The following MACROD2 variants were observed in gnomAD, a reference collection of about 807,000 sequenced individuals.
MACROD2 encodes the protein mono-ADP ribosylhydrolase 2.
A neutral mutation model predicts 70.4 loss-of-function variants in MACROD2; 36 were observed. The ratio of observed to expected loss-of-function variants is 0.51; its 90% CI spans 0.39 to 0.68. The LOEUF is 0.68. Among genes scored for constraint, MACROD2 ranks in the 30% least tolerant of loss-of-function variants. The pLI is 0.00. For synonymous variants in MACROD2, 172 were observed against 178.8 expected (o/e 0.96, Z 0.30); for missense variants, 496 against 538.4 (o/e 0.92, Z 0.78).
chr20:14,621,842 A>T (rs1237582568), intron 4 of MACROD2: 1 of 152,182 alleles, frequency 6.6e-6, no homozygotes, highest in African/African-American at 2.4e-5. Context: ...CACCATGTTT[A>T]TACGTGACTA....
rs189362282 is a variant in MACROD2 at position 14,173,167 on chromosome 20, A to G, written c.271+87439A>G. 2.8e-3 allele frequency among the ~76,000 whole-genome samples: 426 copies of G among 152,254 alleles called. 2 individuals carry two copies. Among genetic ancestry groups the G allele is most frequent in the African/African-American group, 9.6e-3 (399 of 41,556 alleles). On this transcript the variant is annotated intron_variant, in intron 3 of 17. Transcript: ENST00000684519. ...TCCAGATTTTCTTTGAGCTTCTTGT[A>G]TTTGGATGTCCAGATCTCTAGCAAG...
rs77880337 is a variant in MACROD2 at position 15,515,373 on chromosome 20, C to G, written c.645+15526C>G. Among the ~76,000 whole-genome samples the G allele has an allele frequency of 5.5e-3, 832 of 152,348 alleles. 10 individuals carry two copies. Among genetic ancestry groups the G allele is most frequent in the African/African-American group, 0.019 (788 of 41,582 alleles). ...GTGACTAATTTCTCAGCGATCAGTG[C>G]TGCCTTTGTTGCAAACACATGGCTC... On this transcript the variant is annotated intron_variant, in intron 8 of 17. Transcript: ENST00000684519.
chr20:14,410,528 G>T (rs552667472), intron 3 of MACROD2, among the ~76,000 whole-genome samples: 20 of 152,198 alleles, frequency 1.3e-4, no homozygotes, highest in African/African-American at 4.8e-4. Context: ...GCCTTTAGCT[G>T]CAGCATGTCA....
chr20:14,809,553 A>C (rs2122168538), intron 5 of MACROD2, among the ~76,000 whole-genome samples: 1 of 152,126 alleles, frequency 6.6e-6, no homozygotes, highest in Admixed American at 6.5e-5. Context: ...ACAAATTCAA[A>C]AGCTAGCAGA....
Position 14,916,948 on chromosome 20 carries a change from G to T in MACROD2, c.418+231989G>T, listed in dbSNP as rs192548572. Among the ~76,000 whole-genome samples the T allele has an allele frequency of 1.5e-4, 23 of 151,948 alleles. No homozygotes were observed. In the East Asian group the frequency reaches 4.3e-3, roughly 28 times the overall value. ...TATTTCCAAGGAAGAGAGATAATGG[G>T]GGAAAAATAGGCACCTTGATTGGTC... On this transcript the variant is annotated intron_variant, in intron 5 of 17. Coordinates refer to ENST00000684519, the MANE Select transcript of MACROD2 (RefSeq NM_001351661.2).
intron 6 of MACROD2, among the ~76,000 whole-genome samples, chr20:15,300,148 T>A (rs1325796453): frequency 6.6e-6 from 1 of 152,144 alleles, no homozygotes; most frequent in Non-Finnish European, 1.5e-5. Flanking sequence ...TTTTTTAACT[T>A]ACAAAATTTA....
At chr20:15,041,248 A>G (rs935181829) in intron 5 of MACROD2, among the ~76,000 whole-genome samples, 8 of 152,166 alleles carry the variant, frequency 5.3e-5, no homozygotes, top group African/African-American at 1.9e-4. Flanking sequence ...TGTTTGTAAT[A>G]CAGTTCCCAG....
At chr20:14,921,968 G>T (rs1197465167) in intron 5 of MACROD2, among the ~76,000 whole-genome samples, 1 of 152,132 alleles carries the variant, frequency 6.6e-6, no homozygotes. Context: ...CTCTAACCAA[G>T]TCTCTTTTAG....
At chr20:15,190,292 AGGAGTG>A (rs2076561761) in intron 5 of MACROD2, among the ~76,000 whole-genome samples, 1 of 152,108 alleles carries the variant, frequency 6.6e-6, no homozygotes, top group Non-Finnish European at 1.5e-5. Flanking sequence ...CCTTAAGGAA[AGGAGTG>A]CTGGGTGATA....
At chr20:14,717,946 A>G (rs2123676916) in intron 5 of MACROD2, among the ~76,000 whole-genome samples, 1 of 152,236 alleles carries the variant, frequency 6.6e-6, no homozygotes, top group South Asian at 2.1e-4. Flanking sequence ...TGGTGCTATT[A>G]AAACAAACAA....
intron 6 of MACROD2, among the ~76,000 whole-genome samples, chr20:15,233,077 G>A (rs746100945): frequency 2.6e-4 from 40 of 151,738 alleles, no homozygotes; most frequent in Non-Finnish European, 5.0e-4. Flanking sequence ...AGATCATCAT[G>A]TCCACTGTGT....
At chr20:14,623,225 T>C (rs1254485111) in intron 4 of MACROD2, among the ~76,000 whole-genome samples, 1 of 152,096 alleles carries the variant, frequency 6.6e-6, no homozygotes, top group East Asian at 1.9e-4. Flanking sequence ...ATCAGGCTGA[T>C]ATCTAGGGTC....
chr20:15,420,758 C>A (rs2046216995), intron 6 of MACROD2, among the ~76,000 whole-genome samples: 1 of 152,006 alleles, frequency 6.6e-6, no homozygotes, highest in Non-Finnish European at 1.5e-5. Context: ...AGGAATAGAT[C>A]CTACCAGAAT....
chr20:14,208,816 T>C (rs1295410840), intron 3 of MACROD2, among the ~76,000 whole-genome samples: 1 of 152,214 alleles, frequency 6.6e-6, no homozygotes, highest in African/African-American at 2.4e-5. Context: ...ATACTTGAAT[T>C]ATGACAGTAG....
chr20:14,674,086 C>A (rs1024731880), intron 4 of MACROD2, among the ~76,000 whole-genome samples: 10 of 152,098 alleles, frequency 6.6e-5, no homozygotes, highest in South Asian at 2.1e-4. Flanking sequence ...AAGATGTATT[C>A]TCCATACTAA....
Position 15,406,051 on chromosome 20 carries a change from G to C in MACROD2, c.541-25354G>C, listed in dbSNP as rs942933310. 3.9e-5 allele frequency among the ~76,000 whole-genome samples: 6 copies of C among 152,284 alleles called. No individual in the cohort carries two copies. In the South Asian group the frequency reaches 6.2e-4, roughly 16 times the overall value. ...AGCTACCCAAAGACATACGCCGTTA[G>C]GGACTTCCGAGAGGAGAGGTTTTTC... On this transcript the variant is annotated intron_variant, in intron 6 of 17. Coordinates refer to ENST00000684519, the MANE Select transcript of MACROD2 (RefSeq NM_001351661.2).
At chr20:15,800,409 A>G (rs908679676) in intron 8 of MACROD2, among the ~76,000 whole-genome samples, 4 of 152,048 alleles carry the variant, frequency 2.6e-5, no homozygotes, top group South Asian at 2.1e-4. Flanking sequence ...AGTAGTTTTT[A>G]TAGTTTCAGG....
intron 4 of MACROD2, among the ~76,000 whole-genome samples, chr20:14,527,484 C>T (rs1455416003): frequency 8.7e-6 from 1 of 115,336 alleles, no homozygotes; most frequent in Non-Finnish European, 1.8e-5. Context: ...CACTTACAAC[C>T]AACCTCTGAT....
intron 4 of MACROD2, among the ~76,000 whole-genome samples, chr20:14,509,378 T>C (rs1259139924): frequency 6.6e-6 from 1 of 152,118 alleles, no homozygotes; most frequent in Non-Finnish European, 1.5e-5. Context: ...AATTGCATAT[T>C]GGATATTTTC....
Sources: gnomAD v4.1 joint callset for allele counts (sites outside exome capture counted in the v4.1 genomes callset) on GRCh38, gnomAD v4.1.1 for gene constraint, MANE v1.5 for transcripts, NCBI Gene and HGNC (gene_info 2026-07-23, HGNC 2026-07-21) for gene names.